The following MGMT variants were observed in gnomAD, a reference collection of about 807,000 sequenced individuals.
The protein encoded by MGMT is O-6-methylguanine-DNA methyltransferase.
A neutral mutation model predicts 15.9 loss-of-function variants in MGMT; 14 were observed. The ratio of observed to expected loss-of-function variants is 0.88; its 90% confidence interval spans 0.58 to 1.37. The LOEUF is 1.37. Ranked by LOEUF, MGMT falls within the 40% of genes most tolerant of loss-of-function variation. The pLI is 0.00. For missense variants in MGMT, 282 were observed against 268.1 expected, an observed-to-expected ratio of 1.05 and a Z score of -0.36; for synonymous variants, 130 against 118.2, an observed-to-expected ratio of 1.10 and a Z score of -0.65.
chr10:129,725,969 C>T lies in MGMT; in HGVS notation c.274+17926C>T, dbSNP rs559998683. Among the ~76,000 whole-genome samples the T allele has an allele frequency of 2.2e-4, 33 of 152,270 alleles. No homozygotes were observed. In the South Asian group the frequency reaches 2.9e-3, roughly 13 times the overall value. ...AACTTCCCTTCATCTTCCACCAATA[C>T]CATGTTGCGTTACAGTTTCCCTCTT... is the stretch of plus-strand genomic sequence containing the variant. On this transcript the variant is annotated intron_variant, in intron 3 of 4. Transcript: ENST00000651593.
intron 1 of MGMT, among the ~76,000 whole-genome samples, chr10:129,530,902 C>T (rs1405602700): frequency 6.6e-6 from 1 of 152,190 alleles, no homozygotes; most frequent in Admixed American, 6.5e-5. Context: ...TCAGTTTCTC[C>T]ATAAGCTCTC....
At chr10:129,540,366 A>T (rs1366305700) in intron 2 of MGMT, among the ~76,000 whole-genome samples, 2 of 152,096 alleles carry the variant, frequency 1.3e-5, no homozygotes, top group African/African-American at 4.8e-5. Flanking sequence ...GTTATGCTTT[A>T]ATTTCTTCTA....
At chr10:129,642,053 A>G (rs1847333079) in intron 2 of MGMT, among the ~76,000 whole-genome samples, 1 of 152,172 alleles carries the variant, frequency 6.6e-6, no homozygotes, top group Admixed American at 6.5e-5. Flanking sequence ...TAGTACCTTC[A>G]ACAGACACAG....
chr10:129,548,583 A>G (rs1345029974), intron 2 of MGMT, among the ~76,000 whole-genome samples: 1 of 152,180 alleles, frequency 6.6e-6, no homozygotes, highest in Non-Finnish European at 1.5e-5. Flanking sequence ...CTTTTATTGA[A>G]AATAATATTT....
At chr10:129,596,378 A>T (rs1846751520) in intron 2 of MGMT, among the ~76,000 whole-genome samples, 3 of 152,238 alleles carry the variant, frequency 2.0e-5, no homozygotes. Flanking sequence ...TTATAAATAC[A>T]GTGAAATCTA....
At chr10:129,664,413 A>T (rs995605713) in intron 2 of MGMT, among the ~76,000 whole-genome samples, 1 of 152,234 alleles carries the variant, frequency 6.6e-6, no homozygotes, top group Non-Finnish European at 1.5e-5. Flanking sequence ...AGGGACACTT[A>T]CATGGAGTAG....
intron 3 of MGMT, among the ~76,000 whole-genome samples, chr10:129,737,848 C>T (rs1410151387): frequency 2.0e-5 from 3 of 152,180 alleles, no homozygotes; most frequent in Admixed American, 2.0e-4. Context: ...TGGGGGGTGC[C>T]TCCCAGTTAG....
chr10:129,680,364 C>T (rs1166115556), intron 2 of MGMT, among the ~76,000 whole-genome samples: 1 of 152,160 alleles, frequency 6.6e-6, no homozygotes, highest in African/African-American at 2.4e-5. Context: ...TAATAAAGCC[C>T]CCTTTCCAGC....
At chr10:129,633,483 T>G (rs1847233881) in intron 2 of MGMT, among the ~76,000 whole-genome samples, 1 of 152,254 alleles carries the variant, frequency 6.6e-6, no homozygotes, top group Admixed American at 6.5e-5. Flanking sequence ...GTTTTAGGGA[T>G]GAAGATCAAG....
intron 2 of MGMT, among the ~76,000 whole-genome samples, chr10:129,632,000 G>A (rs1396198924): frequency 1.3e-5 from 2 of 152,158 alleles, no homozygotes; most frequent in Non-Finnish European, 2.9e-5. Context: ...GCCTCCTGAA[G>A]TGCTGGGATT....
At chr10:129,593,609 A>G (rs1846715628) in intron 2 of MGMT, among the ~76,000 whole-genome samples, 1 of 152,222 alleles carries the variant, frequency 6.6e-6, no homozygotes, top group Non-Finnish European at 1.5e-5. Context: ...AATAACAGAA[A>G]TTTCAGTCTC....
At chr10:129,766,572 C>G (rs926589227) in intron 4 of MGMT, among the ~76,000 whole-genome samples, 4 of 152,242 alleles carry the variant, frequency 2.6e-5, no homozygotes, top group African/African-American at 9.6e-5. Context: ...GTCCCTCCCC[C>G]AACCCGTGCT....
intron 2 of MGMT, among the ~76,000 whole-genome samples, chr10:129,650,344 A>G (rs1186592732): frequency 6.6e-6 from 1 of 152,160 alleles, no homozygotes; most frequent in Non-Finnish European, 1.5e-5. Context: ...CCTCTAATTC[A>G]TCTTCGCCAA....
chr10:129,634,424 ATTT>A lies in MGMT; in HGVS notation c.126-73466_126-73464del. On this transcript the variant is annotated intron_variant, in intron 2 of 4. Transcript: ENST00000651593. Reference sequence around the variant, plus strand: ...ATATTTTGGCTATTTCTTCAAATATATTTTTTTCCTTTTCCTTTCAGAAACTCC... The same window carrying A: ...ATATTTTGGCTATTTCTTCAAATATATTTTCCTTTTCCTTTCAGAAACTCC... Among the ~76,000 whole-genome samples, 3 of 152,184 alleles carry A rather than the reference ATTT, an allele frequency of 2.0e-5. No homozygotes were observed. In the Middle Eastern group the frequency reaches 0.01, roughly 518 times the overall value.
At chr10:129,496,918 C>T (rs1845527529) in intron 1 of MGMT, among the ~76,000 whole-genome samples, 2 of 151,954 alleles carry the variant, frequency 1.3e-5, no homozygotes, top group Admixed American at 1.3e-4. Context: ...GCCTTGAACT[C>T]CTGGCCTCAA....
In MGMT at chr10:129,536,514, T is replaced by A. The variant is rs1475208721; in HGVS notation, c.125+137T>A. 2.3e-5 allele frequency: 26 copies of A among 1,123,506 alleles called. No homozygotes were observed. In the East Asian group the frequency reaches 5.0e-4, roughly 22 times the overall value. 69.6% of individuals were successfully genotyped at this position (1,123,506 alleles called of 1,614,324 possible). On this transcript the variant is annotated intron_variant, in intron 2 of 4. Coordinates refer to ENST00000651593, the MANE Select transcript of MGMT (RefSeq NM_002412.5). ...CCACAACCGCAACCACGAGTCCGTCTCTCAAAACAGTGTGCTGCGACGGCT... is the reference window on the plus strand; with the variant it reads ...CCACAACCGCAACCACGAGTCCGTCACTCAAAACAGTGTGCTGCGACGGCT...
chr10:129,601,162 G>A lies in MGMT; in HGVS notation c.125+64785G>A, dbSNP rs573394830. ...GGGAAGAGGCGTCAACATTTGAACC[G>A]CAAATGATTAAACCTTTATGACTAA... On this transcript the variant is annotated intron_variant, in intron 2 of 4. Transcript: ENST00000651593. Among the ~76,000 whole-genome samples the A allele has an allele frequency of 9.2e-5, 14 of 151,660 alleles. No individual in the cohort carries two copies. In the South Asian group the frequency reaches 2.5e-3, roughly 27 times the overall value.
chr10:129,499,684 T>C (rs958094848), intron 1 of MGMT, among the ~76,000 whole-genome samples: 2 of 152,218 alleles, frequency 1.3e-5, no homozygotes, highest in Non-Finnish European at 2.9e-5. Flanking sequence ...AAAGGTCTGG[T>C]TAAATTTTAA....
At chr10:129,586,996 T>C (rs1846625712) in intron 2 of MGMT, among the ~76,000 whole-genome samples, 1 of 152,274 alleles carries the variant, frequency 6.6e-6, no homozygotes, top group Non-Finnish European at 1.5e-5. Context: ...ATTTAAAAGA[T>C]ATTTTTGCTG....
Sources: gnomAD v4.1 joint callset for allele counts (sites outside exome capture counted in the v4.1 genomes callset) on GRCh38, gnomAD v4.1.1 for gene constraint, MANE v1.5 for transcripts, NCBI Gene and HGNC (gene_info 2026-07-23, HGNC 2026-07-21) for gene names.